Variants in TSNAX observed in about 807,000 individuals in gnomAD.
TSNAX encodes translin-associated protein X.
TSNAX carries 12 observed loss-of-function variants against 33.0 expected under a neutral mutation model. The ratio of observed to expected loss-of-function variants is 0.36; its 90% CI spans 0.23 to 0.59. The LOEUF (loss-of-function observed/expected upper bound fraction) is 0.59, where lower values mean the gene tolerates loss of function less well. Among genes scored for constraint, TSNAX ranks in the 20% least tolerant of loss-of-function variants. TSNAX has a pLI of 0.74. For synonymous variants in TSNAX, 110 were observed against 117.2 expected (o/e 0.94, Z 0.40); for missense variants, 267 against 341.3 (o/e 0.78, Z 1.72).
At chr1:231,537,032 C>T (rs983826150) in intron 2 of TSNAX, 181 bp from the exon 3 acceptor site, 15 of 389,120 alleles carry the variant, frequency 3.9e-5, no homozygotes, top group Non-Finnish European at 5.6e-5. Context: ...GGGGTTTCAC[C>T]GTCTAGGCCA....
intron 4 of TSNAX, among the ~76,000 whole-genome samples, chr1:231,558,556 A>G (rs1413596655): frequency 6.6e-6 from 1 of 152,178 alleles, no homozygotes; most frequent in Non-Finnish European, 1.5e-5. Flanking sequence ...ACATCCTTAT[A>G]TGTAAATCTT....
chr1:231,551,677 C>T (rs1023724734), intron 4 of TSNAX, among the ~76,000 whole-genome samples: 7 of 151,460 alleles, frequency 4.6e-5, no homozygotes, highest in African/African-American at 1.7e-4. Flanking sequence ...ATGTAAAAAC[C>T]CTGCCTAGGG....
At chr1:231,547,185 A>G in intron 4 of TSNAX, among the ~76,000 whole-genome samples, 1 of 152,064 alleles carries the variant, frequency 6.6e-6, no homozygotes, top group East Asian at 1.9e-4. Flanking sequence ...TGTCTGTTTG[A>G]AAGTGATTTT....
chr1:231,552,693 TTCATC>T (rs1202420278), intron 4 of TSNAX, among the ~76,000 whole-genome samples: 1 of 152,202 alleles, frequency 6.6e-6, no homozygotes, highest in Non-Finnish European at 1.5e-5. Flanking sequence ...ACCAGAACAT[TTCATC>T]ACGCTCAAAA....
intron 4 of TSNAX, among the ~76,000 whole-genome samples, chr1:231,555,299 A>G (rs146136419): frequency 1.5e-3 from 234 of 152,348 alleles, no homozygotes; most frequent in African/African-American, 4.8e-3. Context: ...AAATAAGCCA[A>G]TCACAAAAGG....
chr1:231,564,907 A>C lies in TSNAX; in HGVS notation c.*2A>C, dbSNP rs536201826. Reference sequence around the variant, plus strand: ...GATCAAGAAGAGGGCATTTCTTAGAATCTAACGTTACTCAGTTACTAATTC... The same window carrying C: ...GATCAAGAAGAGGGCATTTCTTAGACTCTAACGTTACTCAGTTACTAATTC... On this transcript the variant is annotated 3_prime_UTR_variant, in exon 6 of 6. Transcript: ENST00000366639. 8.7e-6 allele frequency: 14 copies of C among 1,610,776 alleles called. No individual in the cohort carries two copies. The South Asian group carries it at 1.1e-4, about 13-fold the overall frequency.
At chr1:231,542,443 ATCTGATGT>A in intron 3 of TSNAX, 30 bp from the exon 4 acceptor site, 6 of 1,609,016 alleles carry the variant, frequency 3.7e-6, no homozygotes, top group Non-Finnish European at 5.1e-6. Flanking sequence ...CTGTTAAAGC[ATCTGATGT>A]TCTAAAAGTT....
intron 4 of TSNAX, among the ~76,000 whole-genome samples, chr1:231,546,993 G>A (rs535092082): frequency 6.6e-6 from 1 of 152,176 alleles, no homozygotes; most frequent in Non-Finnish European, 1.5e-5. Flanking sequence ...AGGAAGAATG[G>A]GAAATACGGT....
At chr1:231,564,368 A>G (rs1661297323) in intron 5 of TSNAX, among the ~76,000 whole-genome samples, 160 bp from the exon 6 acceptor site, 1 of 152,214 alleles carries the variant, frequency 6.6e-6, no homozygotes, top group South Asian at 2.1e-4. Context: ...TTATTAAGCA[A>G]AACAGATTTA....
intron 4 of TSNAX, among the ~76,000 whole-genome samples, chr1:231,553,682 CTTTTT>C (rs5781656): frequency 1.5e-5 from 2 of 133,756 alleles, no homozygotes; most frequent in South Asian, 2.3e-4. Context: ...TCTTTCTTTC[CTTTTT>C]TTTTTTTTTT....
chr1:231,538,788 T>C (rs566335771), intron 3 of TSNAX, among the ~76,000 whole-genome samples: 2 of 152,156 alleles, frequency 1.3e-5, no homozygotes, highest in South Asian at 2.1e-4. Flanking sequence ...AAAAACTAGC[T>C]GGAGATGGTG....
chr1:231,562,429 G>A (rs1280110108), intron 5 of TSNAX, among the ~76,000 whole-genome samples: 1 of 151,962 alleles, frequency 6.6e-6, no homozygotes, highest in African/African-American at 2.4e-5. Context: ...TATATGAAGT[G>A]TATTAAGGAG....
At chr1:231,529,495 CT>C in intron 2 of TSNAX, 136 bp downstream of exon 2, 1 of 785,274 alleles carries the variant, frequency 1.3e-6, no homozygotes, top group Non-Finnish European at 2.0e-6. Context: ...TAGATGTACC[CT>C]AAAAGTCTGG....
At chr1:231,562,772 T>C (rs1661196732) in intron 5 of TSNAX, among the ~76,000 whole-genome samples, 1 of 152,222 alleles carries the variant, frequency 6.6e-6, no homozygotes, top group African/African-American at 2.4e-5. Context: ...CTGAAATTTC[T>C]GGGAATTTGA....
intron 2 of TSNAX, among the ~76,000 whole-genome samples, chr1:231,532,074 G>GA (rs1256792632): frequency 7.8e-4 from 63 of 81,160 alleles, no homozygotes; most frequent in Non-Finnish European, 8.3e-4. Context: ...ACTCAAAAAG[G>GA]AAAAAAAAAA....
intron 2 of TSNAX, chr1:231,536,814 T>C (rs1362744607): frequency 1.3e-5 from 2 of 153,380 alleles, no homozygotes; most frequent in African/African-American, 4.8e-5. Context: ...ATTGTCTGCA[T>C]TTACATTGTG....
Position 231,560,400 on chromosome 1 carries a change from CT to C in TSNAX, c.368-724del, listed in dbSNP as rs1241478198. 1.7e-3 allele frequency among the ~76,000 whole-genome samples: 130 copies of C among 78,406 alleles called. 1 individual carries two copies. Among genetic ancestry groups the C allele is most frequent in the African/African-American group, 5.7e-3 (120 of 21,076 alleles). 51.4% of individuals were successfully genotyped at this position (78,406 alleles called of 152,430 possible). A position where few individuals can be genotyped will look rare whatever the true frequency, so the allele number is the denominator to read the frequency against. On this transcript the variant is annotated intron_variant, in intron 4 of 5. Transcript: ENST00000366639. ...TATCAAAATTATGGAATAGGCTTTT[CT>C]TTTCTCCCCCCCCCCCCTTTTTTTT...
At chr1:231,532,561 T>A (rs932644874) in intron 2 of TSNAX, among the ~76,000 whole-genome samples, 7 of 152,200 alleles carry the variant, frequency 4.6e-5, no homozygotes, top group Admixed American at 4.6e-4. Flanking sequence ...GGGAAAAAAA[T>A]TTTAATAAAC....
At position 231,563,053 on chromosome 1, in the gene TSNAX, C is replaced by A. The variant is rs117037157; in HGVS notation, c.496-1475C>A. 9.1e-4 allele frequency among the ~76,000 whole-genome samples: 139 copies of A among 152,296 alleles called. 2 individuals carry two copies. In the East Asian group the frequency reaches 0.025, roughly 28 times the overall value. ...AGTGCTAGGATTCAAGTATTAGATA[C>A]ATAGCAAAGAGTGATCTTAATAAAG... On this transcript the variant is annotated intron_variant, in intron 5 of 5. Coordinates refer to ENST00000366639, the MANE Select transcript of TSNAX (RefSeq NM_005999.3).
Sources: allele counts gnomAD v4.1 joint callset (sites outside exome capture counted in the v4.1 genomes callset), GRCh38; gene constraint gnomAD v4.1.1; transcripts MANE v1.5; gene names NCBI Gene and HGNC (gene_info 2026-07-23, HGNC 2026-07-21).